Variants in RGS17 observed in about 807,000 individuals in gnomAD.
The protein encoded by RGS17 is regulator of G protein signaling 17, also known as regulator of G-protein signaling 17.
RGS17 carries 12 observed loss-of-function variants against 25.5 expected under a neutral mutation model. That is an observed-to-expected ratio of 0.47 (90% CI 0.30 to 0.76). The LOEUF (loss-of-function observed/expected upper bound fraction) is 0.76, where lower values mean the gene tolerates loss of function less well. RGS17 is among the 30% of genes least tolerant of loss of function. The probability of loss-of-function intolerance (pLI) is 0.07; values close to 1 mark genes in which losing one functional copy is unlikely to be tolerated. For missense variants in RGS17, 196 were observed against 242.2 expected (o/e 0.81, Z 1.27); for synonymous variants, 71 against 76.9 (o/e 0.92, Z 0.40).
At position 153,006,272 on chromosome 6, in the gene RGS17, A is replaced by G. The variant is rs377533900; in HGVS notation, c.*5302T>C. 3.9e-5 allele frequency: 6 copies of G among 152,504 alleles called. No homozygotes were observed. Among genetic ancestry groups the G allele is most frequent in the African/African-American group, 1.4e-4 (6 of 41,588 alleles). The allele number at this position is 152,504 out of a possible 1,614,324, so 9.4% of individuals were successfully genotyped here. A position where few individuals can be genotyped will look rare whatever the true frequency, so the allele number is the denominator to read the frequency against. On this transcript the variant is annotated 3_prime_UTR_variant, in exon 5 of 5. Transcript: ENST00000206262. ...TCTCTTATAACTTAGTCTTAGCCCT[A>G]TAACTCATTTATATATTTAGCAAGT...
chr6:153,065,143 G>A (rs761820604), intron 1 of RGS17, among the ~76,000 whole-genome samples: 1 of 152,028 alleles, frequency 6.6e-6, no homozygotes, highest in Non-Finnish European at 1.5e-5. Flanking sequence ...AAAAGAGCAG[G>A]AGTAGCTACA....
intron 1 of RGS17, among the ~76,000 whole-genome samples, chr6:153,074,563 C>A (rs911445004): frequency 6.6e-6 from 1 of 152,160 alleles, no homozygotes; most frequent in African/African-American, 2.4e-5. Context: ...CATGTTGATA[C>A]AACTGTGGAG....
chr6:153,032,999 G>T (rs959929856), intron 2 of RGS17, among the ~76,000 whole-genome samples: 10 of 152,152 alleles, frequency 6.6e-5, no homozygotes, highest in African/African-American at 2.4e-4. Flanking sequence ...TTTTAAAAGA[G>T]CCATCCTGAG....
Position 153,055,645 on chromosome 6 carries a change from G to A in RGS17, c.-25-11602C>T, listed in dbSNP as rs145816497. Among the ~76,000 whole-genome samples, 1,042 of 152,220 alleles carry A rather than the reference G, an allele frequency of 6.8e-3. 9 individuals are homozygous for A. The highest frequency in any genetic ancestry group is 8.6e-3 in the Non-Finnish European group (582 of 68,008). On this transcript the variant is annotated intron_variant, in intron 1 of 4. Transcript: ENST00000206262. ...TAAAAACACTTCATCTAGTCCTTAC[G>A]GTGAGGTGCAGGGAAAGTTGGTATG...
chr6:153,020,100 T>TAAA lies in RGS17; in HGVS notation c.444+4159_444+4161dup, dbSNP rs57320874. ...TGTCACCTCCTAATTGCAAATATCT[T>TAAA]AAAAAAAAAAAATATATATATATAT... is the stretch of plus-strand genomic sequence containing the variant. On this transcript the variant is annotated intron_variant, in intron 4 of 4. Coordinates refer to ENST00000206262, the MANE Select transcript of RGS17 (RefSeq NM_012419.5). 5.1e-3 allele frequency among the ~76,000 whole-genome samples: 231 copies of TAAA among 45,046 alleles called. 4 individuals carry two copies. The highest frequency in any genetic ancestry group is 0.014 in the East Asian group (15 of 1,106). The allele number at this position is 45,046 out of a possible 152,430, so 29.6% of individuals were successfully genotyped here.
chr6:153,049,678 G>A (rs906971426), intron 1 of RGS17, among the ~76,000 whole-genome samples: 7 of 152,096 alleles, frequency 4.6e-5, no homozygotes, highest in African/African-American at 1.7e-4. Flanking sequence ...ATGAACCTGG[G>A]AGGAGGAGCT....
intron 1 of RGS17, among the ~76,000 whole-genome samples, chr6:153,085,255 G>A (rs561102363): frequency 1.3e-5 from 2 of 152,232 alleles, no homozygotes; most frequent in South Asian, 2.1e-4. Flanking sequence ...TATAACTAAC[G>A]TAAATGTAAT....
intron 1 of RGS17, among the ~76,000 whole-genome samples, chr6:153,078,216 T>C (rs1452598885): frequency 6.6e-6 from 1 of 152,200 alleles, no homozygotes. Flanking sequence ...TTTGTAAGCC[T>C]CTCTACTTTG....
chr6:153,028,132 T>C (rs887725480), intron 2 of RGS17, among the ~76,000 whole-genome samples: 3 of 152,214 alleles, frequency 2.0e-5, no homozygotes, highest in African/African-American at 7.2e-5. Context: ...AAAAGGATTC[T>C]GTAGTCAGGA....
intron 1 of RGS17, among the ~76,000 whole-genome samples, chr6:153,090,549 T>C (rs115573934): frequency 0.016 from 2,477 of 151,350 alleles, 75 homozygotes; most frequent in African/African-American, 0.056. Flanking sequence ...AACCCAGGAA[T>C]TGGAGGCTGC....
intron 1 of RGS17, among the ~76,000 whole-genome samples, chr6:153,071,075 A>G (rs1474022639): frequency 2.7e-5 from 4 of 150,196 alleles, no homozygotes; most frequent in Non-Finnish European, 5.9e-5. Flanking sequence ...ACATATACGT[A>G]TATGTACACA....
chr6:153,009,064 T>G lies in RGS17; in HGVS notation c.*2510A>C, dbSNP rs959586784. 2.0e-5 allele frequency: 3 copies of G among 152,154 alleles called. No individual in the cohort carries two copies. Among genetic ancestry groups the G allele is most frequent in the Admixed American group, 6.5e-5 (1 of 15,270 alleles). 9.4% of individuals were successfully genotyped at this position (152,154 alleles called of 1,614,324 possible). ...CAGGTTTCAAAAGGATATACCAACT[T>G]TAAAATCTGTGTTCTACAAATGCCC... is the stretch of plus-strand genomic sequence containing the variant. On this transcript the variant is annotated 3_prime_UTR_variant, in exon 5 of 5. Transcript: ENST00000206262.
chr6:153,055,133 C>T (rs7750297), intron 1 of RGS17, among the ~76,000 whole-genome samples: 58,287 of 151,862 alleles, frequency 0.38, 11,870 homozygotes, highest in East Asian at 0.62. Context: ...TAAGTAAGCA[C>T]GGAAAATTGC....
rs902743491 is a variant in RGS17 at position 153,006,016 on chromosome 6, A to G, written c.*5558T>C. ...GACACATTACTATTTTAAATTTTAT[A>G]CATTTTATTTTTTTCTTAGAGTCAG... is the stretch of plus-strand genomic sequence containing the variant. On this transcript the variant is annotated 3_prime_UTR_variant, in exon 5 of 5. Transcript: ENST00000206262. 3.3e-5 allele frequency: 5 copies of G among 152,196 alleles called. No individual in the cohort carries two copies. Among genetic ancestry groups the G allele is most frequent in the Non-Finnish European group, 5.9e-5 (4 of 68,030 alleles). The allele number at this position is 152,196 out of a possible 1,614,324, so 9.4% of individuals were successfully genotyped here.
At chr6:153,016,160 TTC>T in intron 4 of RGS17, among the ~76,000 whole-genome samples, 1 of 152,362 alleles carries the variant, frequency 6.6e-6, no homozygotes, top group East Asian at 1.9e-4. Context: ...AGTTTTTATT[TTC>T]TGTTATTACC....
At chr6:153,121,708 G>A (rs1777634453) in intron 1 of RGS17, among the ~76,000 whole-genome samples, 6 of 152,156 alleles carry the variant, frequency 3.9e-5, no homozygotes. Flanking sequence ...AGATACAGTT[G>A]ATTTTATATA....
intron 1 of RGS17, among the ~76,000 whole-genome samples, chr6:153,074,655 G>A (rs1271119896): frequency 6.6e-6 from 1 of 152,172 alleles, no homozygotes; most frequent in Non-Finnish European, 1.5e-5. Context: ...GTATATAGAT[G>A]TTATAAACAG....
chr6:153,104,171 C>T (rs941004823), intron 1 of RGS17, among the ~76,000 whole-genome samples: 1 of 152,156 alleles, frequency 6.6e-6, no homozygotes, highest in Non-Finnish European at 1.5e-5. Flanking sequence ...ATCTGTTTGA[C>T]GATTATGTTC....
intron 1 of RGS17, among the ~76,000 whole-genome samples, chr6:153,052,764 T>C (rs549379265): frequency 6.6e-6 from 1 of 152,130 alleles, no homozygotes; most frequent in East Asian, 1.9e-4. Flanking sequence ...AGCAGAATGT[T>C]AAATACTGAA....
Sources: allele counts gnomAD v4.1 joint callset (sites outside exome capture counted in the v4.1 genomes callset), GRCh38; gene constraint gnomAD v4.1.1; transcripts MANE v1.5; gene names NCBI Gene and HGNC (gene_info 2026-07-23, HGNC 2026-07-21).